DAPK1: variants seen among roughly 807,000 people sequenced by gnomAD.
DAPK1 encodes the protein death associated protein kinase 1.
A neutral mutation model predicts 144.9 loss-of-function variants in DAPK1; 56 were observed. The observed-to-expected ratio is 0.39, with a 90% CI of 0.31 to 0.48. The LOEUF (loss-of-function observed/expected upper bound fraction) is 0.48, where lower values mean the gene tolerates loss of function less well. Among genes scored for constraint, DAPK1 ranks in the 20% least tolerant of loss-of-function variants. The pLI is 0.95. For synonymous variants in DAPK1, 690 were observed against 749.0 expected (o/e 0.92, Z 1.29); for missense variants, 1,454 against 1,875.4 (o/e 0.78, Z 4.15).
chr9:87,504,884 GA>G (rs547336738), intron 2 of DAPK1, among the ~76,000 whole-genome samples: 5 of 151,810 alleles, frequency 3.3e-5, no homozygotes, highest in African/African-American at 4.8e-5. Flanking sequence ...ATAATAACCA[GA>G]AAAAAAAGTC....
At chr9:87,535,287 CAGAAAAT>C (rs2118401819) in intron 2 of DAPK1, among the ~76,000 whole-genome samples, 1 of 152,114 alleles carries the variant, frequency 6.6e-6, no homozygotes, top group East Asian at 1.9e-4. Context: ...CATCATCAAG[CAGAAAAT>C]CAGCACAGAG....
At chr9:87,498,624 G>C (rs1824274174) in intron 1 of DAPK1, 2 of 321,782 alleles carry the variant, frequency 6.2e-6, no homozygotes, top group Middle Eastern at 8.0e-4. Flanking sequence ...ATTCTTCCGC[G>C]GCGTCCCTGG....
chr9:87,569,694 A>G (rs892556639), intron 2 of DAPK1, among the ~76,000 whole-genome samples: 4 of 152,114 alleles, frequency 2.6e-5, no homozygotes, highest in Non-Finnish European at 5.9e-5. Flanking sequence ...GGTGTGTAGC[A>G]GTGCCTTTTG....
intron 2 of DAPK1, among the ~76,000 whole-genome samples, chr9:87,595,910 A>C (rs1374394994): frequency 6.6e-6 from 1 of 152,080 alleles, no homozygotes; most frequent in Non-Finnish European, 1.5e-5. Flanking sequence ...CAGCCCATTT[A>C]ACCGAGCCCT....
At chr9:87,633,247 A>G (rs1829776378) in intron 3 of DAPK1, 23 of 984,508 alleles carry the variant, frequency 2.3e-5, no homozygotes, top group Non-Finnish European at 2.8e-5. Flanking sequence ...ATATGAGTCC[A>G]TATGTAGAAA....
intron 21 of DAPK1, among the ~76,000 whole-genome samples, chr9:87,696,719 C>T (rs890335513): frequency 2.6e-5 from 4 of 152,194 alleles, no homozygotes; most frequent in African/African-American, 9.7e-5. Context: ...CACTCACTCA[C>T]TCACTCACTC....
intron 3 of DAPK1, among the ~76,000 whole-genome samples, chr9:87,629,389 G>A (rs1354921367): frequency 6.6e-6 from 1 of 152,212 alleles, no homozygotes; most frequent in African/African-American, 2.4e-5. Flanking sequence ...AGGGAGCATG[G>A]CTCTGTAGAC....
chr9:87,600,511 C>T (rs1356243262), intron 2 of DAPK1, among the ~76,000 whole-genome samples: 1 of 152,006 alleles, frequency 6.6e-6, no homozygotes, highest in African/African-American at 2.4e-5. Flanking sequence ...GAGGATTGCT[C>T]GAGCTCGGGA....
At chr9:87,623,726 G>C (rs577556871) in intron 3 of DAPK1, among the ~76,000 whole-genome samples, 2 of 152,092 alleles carry the variant, frequency 1.3e-5, no homozygotes, top group South Asian at 4.1e-4. Flanking sequence ...GCCGGGGATC[G>C]AGCTAACATT....
At chr9:87,651,415 G>A in intron 16 of DAPK1, 112 bp from the exon 17 acceptor site, 1 of 1,016,542 alleles carries the variant, frequency 9.8e-7, no homozygotes, top group Non-Finnish European at 1.5e-6. Flanking sequence ...AGGGCTTTTA[G>A]TAGTGATCTT....
intron 3 of DAPK1, among the ~76,000 whole-genome samples, chr9:87,615,329 C>A (rs889679409): frequency 6.6e-6 from 1 of 152,180 alleles, no homozygotes; most frequent in Admixed American, 6.5e-5. Flanking sequence ...AGGGATCCAG[C>A]GGGACCGCTG....
At chr9:87,589,512 T>A (rs1435353770) in intron 2 of DAPK1, among the ~76,000 whole-genome samples, 2 of 151,952 alleles carry the variant, frequency 1.3e-5, no homozygotes, top group East Asian at 3.9e-4. Flanking sequence ...ATTACACTTG[T>A]GTCATTTGTG....
chr9:87,565,803 G>A (rs981373778), intron 2 of DAPK1, among the ~76,000 whole-genome samples: 3 of 151,904 alleles, frequency 2.0e-5, no homozygotes, highest in East Asian at 1.9e-4. Flanking sequence ...AGTTGTACAC[G>A]AACATTTATC....
At chr9:87,654,048 A>G (rs1302803586) in intron 17 of DAPK1, among the ~76,000 whole-genome samples, 1 of 152,132 alleles carries the variant, frequency 6.6e-6, no homozygotes, top group Non-Finnish European at 1.5e-5. Flanking sequence ...AAAAGTTCCT[A>G]CTACCGTTTT....
chr9:87,525,823 G>T lies in DAPK1; in HGVS notation c.62+26684G>T, dbSNP rs2118296439. On this transcript the variant is annotated intron_variant, in intron 2 of 25. Coordinates refer to ENST00000408954, the MANE Select transcript of DAPK1 (RefSeq NM_004938.4). Reference sequence around the variant, plus strand: ...CCCTCCCTCTTGCCTTCTGCCTGGGGTGAGGGCTCAGTTGCTCTGAAGCTC... The same window carrying T: ...CCCTCCCTCTTGCCTTCTGCCTGGGTTGAGGGCTCAGTTGCTCTGAAGCTC... 1.3e-5 allele frequency among the ~76,000 whole-genome samples: 2 copies of T among 152,278 alleles called. 1 individual carries two copies. Among genetic ancestry groups the T allele is most frequent in the South Asian group, 4.1e-4 (2 of 4,824 alleles).
At chr9:87,556,514 G>A (rs1826721473) in intron 2 of DAPK1, among the ~76,000 whole-genome samples, 1 of 152,198 alleles carries the variant, frequency 6.6e-6, no homozygotes, top group Non-Finnish European at 1.5e-5. Context: ...CCACATCAGT[G>A]AATGCTACAG....
At chr9:87,542,944 G>C (rs935668583) in intron 2 of DAPK1, among the ~76,000 whole-genome samples, 4 of 152,160 alleles carry the variant, frequency 2.6e-5, no homozygotes, top group Non-Finnish European at 4.4e-5. Flanking sequence ...TGGCTCATAG[G>C]TAGCATGTCT....
chr9:87,553,801 A>G lies in DAPK1; in HGVS notation c.63-51153A>G, dbSNP rs903592745. 2.0e-5 allele frequency: 3 copies of G among 152,176 alleles called. No individual in the cohort carries two copies. In the East Asian group the frequency reaches 5.8e-4, roughly 29 times the overall value. 9.4% of individuals were successfully genotyped at this position (152,176 alleles called of 1,614,324 possible). A position where few individuals can be genotyped will look rare whatever the true frequency, so the allele number is the denominator to read the frequency against. ...GTGAGCCACCATGCCCGGCCTCAAT[A>G]TTTATTTTCAATATTCCACAGATGA... On this transcript the variant is annotated intron_variant, in intron 2 of 25. Transcript: ENST00000408954.
At position 87,696,991 on chromosome 9, in the gene DAPK1, T is replaced by C; in HGVS notation, c.2414-16T>C. The C allele has an allele frequency of 2.2e-6, 3 of 1,364,486 alleles. No homozygotes were observed. The highest frequency in any genetic ancestry group is 3.2e-6 in the Non-Finnish European group (3 of 952,064). The allele number at this position is 1,364,486 out of a possible 1,614,324, so 84.5% of individuals were successfully genotyped here. A position where few individuals can be genotyped will look rare whatever the true frequency, so the allele number is the denominator to read the frequency against. ...AGTGGTGTTTCACGATTGTTATCAT[T>C]TTTCTTTTTCTGTAGGAGTTGGCGA... On this transcript the variant is annotated splice_polypyrimidine_tract_variant and intron_variant, in intron 21 of 25. Coordinates refer to ENST00000408954, the MANE Select transcript of DAPK1 (RefSeq NM_004938.4).
Sources: allele counts gnomAD v4.1 joint callset (sites outside exome capture counted in the v4.1 genomes callset), GRCh38; gene constraint gnomAD v4.1.1; transcripts MANE v1.5; gene names NCBI Gene and HGNC (gene_info 2026-07-23, HGNC 2026-07-21).